The following HNRNPUL1 variants were observed in gnomAD, a reference collection of about 807,000 sequenced individuals.
HNRNPUL1 encodes heterogeneous nuclear ribonucleoprotein U like 1.
A neutral mutation model predicts 108.5 loss-of-function variants in HNRNPUL1; 14 were observed. The ratio of observed to expected loss-of-function variants is 0.13; its 90% CI spans 0.09 to 0.20. HNRNPUL1 has a LOEUF of 0.20. HNRNPUL1 is among the 10% of genes least tolerant of loss of function. HNRNPUL1 has a pLI of 1.00. For synonymous variants in HNRNPUL1, 422 were observed against 445.2 expected (o/e 0.95, Z 0.66); for missense variants, 804 against 1,168.3 (o/e 0.69, Z 4.55).
rs371614908 is a variant in HNRNPUL1, at chr19:41,294,678, C to T, written c.1510C>T (p.Leu504=). The T allele has an allele frequency of 5.0e-6, 8 of 1,614,064 alleles. No homozygotes were observed. The highest frequency in any genetic ancestry group is 1.1e-5 in the South Asian group (1 of 91,050). ...IAARKKRNYI[L]DQTNVYGSAQ... Reference sequence around the variant, plus strand: ...TGCCCGCAAGAAACGCAACTATATCCTAGATCAGGTACTTAATGATGACCA... The same window carrying T: ...TGCCCGCAAGAAACGCAACTATATCTTAGATCAGGTACTTAATGATGACCA... Residue 504 remains leucine, a synonymous_variant, in exon 10 of 15, where the codon CTA becomes TTA. Coordinates refer to ENST00000392006, the MANE Select transcript of HNRNPUL1 (RefSeq NM_007040.6). This position sits in a 1 kb window ranked among gnomAD's most constrained non-coding sequence, Gnocchi z 4.3.
Position 41,294,153 on chromosome 19 carries a change from TCA to T in HNRNPUL1, c.1267-184_1267-183del, listed in dbSNP as rs2036751019. Among the ~76,000 whole-genome samples, 1 of 152,164 alleles carries T rather than the reference TCA, an allele frequency of 6.6e-6. No homozygotes were observed. The highest frequency in any genetic ancestry group is 2.4e-5 in the African/African-American group (1 of 41,440). On this transcript the variant is annotated intron_variant, in intron 8 of 14. Coordinates refer to ENST00000392006, the MANE Select transcript of HNRNPUL1 (RefSeq NM_007040.6). This position sits in a 1 kb window ranked among gnomAD's most constrained non-coding sequence, Gnocchi z 4.3. ...GCTCACCCTGTCCCAGGCACTGTGC[TCA>T]GAGTCTGACAAGCCTGATCTTTTTG... is the stretch of plus-strand genomic sequence containing the variant.
At chr19:41,289,405 TA>T in intron 7 of HNRNPUL1, among the ~76,000 whole-genome samples, 1 of 152,168 alleles carries the variant, frequency 6.6e-6, no homozygotes, top group Admixed American at 6.5e-5. Context: ...CAGCAAACCA[TA>T]AAGAGTATGA....
In HNRNPUL1 at chr19:41,292,561, G is replaced by A; in HGVS notation, c.1266+50G>A. On this transcript the variant is annotated intron_variant, in intron 8 of 14. Coordinates refer to ENST00000392006, the MANE Select transcript of HNRNPUL1 (RefSeq NM_007040.6). The surrounding 1 kb of genome is among the most constrained non-coding windows in gnomAD (Gnocchi z 4.1). ...TGGCCACCTTGCTGCCAAGACAGAGGAGACACACACACACACACACACACA... is the reference window on the plus strand; with the variant it reads ...TGGCCACCTTGCTGCCAAGACAGAGAAGACACACACACACACACACACACA... 3.2e-6 allele frequency: 5 copies of A among 1,570,250 alleles called. No individual in the cohort carries two copies. The highest frequency in any genetic ancestry group is 4.3e-6 in the Non-Finnish European group (5 of 1,152,750).
chr19:41,289,808 G>A (rs1901715301), intron 7 of HNRNPUL1, among the ~76,000 whole-genome samples: 1 of 147,000 alleles, frequency 6.8e-6, no homozygotes, highest in African/African-American at 2.5e-5. Flanking sequence ...CAACTCCCTA[G>A]TTCAAGTGAT....
At chr19:41,288,719 T>G (rs971354351) in intron 7 of HNRNPUL1, among the ~76,000 whole-genome samples, 4 of 152,252 alleles carry the variant, frequency 2.6e-5, no homozygotes, top group Admixed American at 6.5e-5. Context: ...AGTATTCTGA[T>G]GCAGGGGTTT....
intron 1 of HNRNPUL1, chr19:41,265,463 G>A (rs1305073551): frequency 2.4e-6 from 3 of 1,267,500 alleles, no homozygotes; most frequent in Admixed American, 2.9e-5. Context: ...GATTGAACTA[G>A]GGGGCACCCC....
rs556673229 is a variant in HNRNPUL1 at position 41,267,055 on chromosome 19, AAGAC to A, written c.296-1163_296-1160del. ...TGCTTTGGAGCGTAGACTCTAGACT[AAGAC>A]AGACTTCGTTTCAAATCTGGCTTAA... On this transcript the variant is annotated intron_variant, in intron 1 of 14. Coordinates refer to ENST00000392006, the MANE Select transcript of HNRNPUL1 (RefSeq NM_007040.6). Among the ~76,000 whole-genome samples the A allele has an allele frequency of 7.9e-5, 12 of 152,350 alleles. No individual in the cohort carries two copies. In the East Asian group the frequency reaches 2.1e-3, roughly 27 times the overall value.
chr19:41,264,793 G>A lies in HNRNPUL1; in HGVS notation c.290G>A (p.Gly97Glu). The change falls in exon 1 of 15, where the codon GGA becomes GAA. Residue 97 changes from glycine (G) to glutamate (E), a missense_variant. Gly to Glu is a moderately conservative substitution (Grantham distance 98, BLOSUM62 -2). Around this residue, in one of 4 missense-constraint regions of HNRNPUL1, gnomAD observed 256 missense variants for 261.6 expected, o/e 0.98. Transcript: ENST00000392006. ...CCCGGCGGCTACTCGGGGCCGGACGGACATTGTGAGAGTGCGCGGGGCGGG... is the reference window on the plus strand; with the variant it reads ...CCCGGCGGCTACTCGGGGCCGGACGAACATTGTGAGAGTGCGCGGGGCGGG... ...AEPGGYSGPD[G>E]HYAMDNITRQ... The A allele has an allele frequency of 7.4e-7, 1 of 1,358,480 alleles. No individual in the cohort carries two copies. The highest frequency in any genetic ancestry group is 9.4e-7 in the Non-Finnish European group (1 of 1,060,256). 84.2% of individuals were successfully genotyped at this position (1,358,480 alleles called of 1,614,324 possible).
rs560196599 is a variant in HNRNPUL1 at position 41,278,388 on chromosome 19, A to G, written c.787-689A>G. ...CTTTGCTCTTTTTAACTGTTGCATC[A>G]TATTTTGTGGCATGGATATACCATA... On this transcript the variant is annotated intron_variant, in intron 5 of 14. Transcript: ENST00000392006. 13 of 151,778 alleles carry G rather than the reference A, an allele frequency of 8.6e-5. No homozygotes were observed. The East Asian group carries it at 1.4e-3, about 16-fold the overall frequency. The allele number at this position is 151,778 out of a possible 1,614,324, so 9.4% of individuals were successfully genotyped here.
intron 13 of HNRNPUL1, 146 bp downstream of exon 13, chr19:41,304,407 C>G: frequency 7.1e-7 from 1 of 1,408,788 alleles, no homozygotes; most frequent in Non-Finnish European, 9.4e-7. Context: ...CTTCTTTCTC[C>G]CTGGCCGTGA....
In HNRNPUL1 at chr19:41,294,049, G is replaced by A. The variant is rs1014773856; in HGVS notation, c.1267-289G>A. On this transcript the variant is annotated intron_variant, in intron 8 of 14. Transcript: ENST00000392006. This position sits in a 1 kb window ranked among gnomAD's most constrained non-coding sequence, Gnocchi z 4.3. ...TAAATGCTAATGATGACAGCACTTG[G>A]TTTTTTGTTTTTGTTTTCCCCCGAA... 6.6e-6 allele frequency among the ~76,000 whole-genome samples: 1 copy of A among 152,054 alleles called. No individual in the cohort carries two copies. Among genetic ancestry groups the A allele is most frequent in the Non-Finnish European group, 1.5e-5 (1 of 67,980 alleles).
chr19:41,288,623 C>T (rs1386952707), intron 7 of HNRNPUL1, among the ~76,000 whole-genome samples: 1 of 152,100 alleles, frequency 6.6e-6, no homozygotes, highest in African/African-American at 2.4e-5. Context: ...TATGACTGTA[C>T]CATAATTGAT....
At chr19:41,300,454 C>G (rs1476455473) in intron 10 of HNRNPUL1, among the ~76,000 whole-genome samples, 2 of 152,100 alleles carry the variant, frequency 1.3e-5, no homozygotes, top group Non-Finnish European at 2.9e-5. Flanking sequence ...TACTCCGTTT[C>G]TGCTGAGTTC....
Position 41,292,644 on chromosome 19 carries a change from T to C in HNRNPUL1, c.1266+133T>C. The C allele has an allele frequency of 1.8e-6, 2 of 1,138,026 alleles. No homozygotes were observed. The highest frequency in any genetic ancestry group is 1.4e-5 in the South Asian group (1 of 70,138). 70.5% of individuals were successfully genotyped at this position (1,138,026 alleles called of 1,614,324 possible). ...GCCACTTTGTCCCAGCTCCTCAGGG[T>C]TGGACTCAGAGCTGAAAAGCTGCTC... is the stretch of plus-strand genomic sequence containing the variant. On this transcript the variant is annotated intron_variant, in intron 8 of 14. Transcript: ENST00000392006. The surrounding 1 kb of genome is among the most constrained non-coding windows in gnomAD (Gnocchi z 4.1).
intron 7 of HNRNPUL1, among the ~76,000 whole-genome samples, chr19:41,282,674 A>C (rs1361799451): frequency 6.6e-6 from 1 of 150,708 alleles, no homozygotes; most frequent in Non-Finnish European, 1.5e-5. Flanking sequence ...ACTTATGTGC[A>C]TATTTTTTTC....
At chr19:41,269,480 GAAAA>G (rs35932282) in intron 2 of HNRNPUL1, among the ~76,000 whole-genome samples, 2 of 48,200 alleles carry the variant, frequency 4.1e-5, no homozygotes, top group African/African-American at 8.1e-5. Flanking sequence ...ACCCTGTCAC[GAAAA>G]AAAAAAAAAA....
chr19:41,289,185 G>C (rs191359083), intron 7 of HNRNPUL1, among the ~76,000 whole-genome samples: 3 of 152,244 alleles, frequency 2.0e-5, no homozygotes, highest in African/African-American at 7.2e-5. Flanking sequence ...GAACATCTCT[G>C]CATCCAGTCT....
At chr19:41,273,901 A>G in intron 3 of HNRNPUL1, 81 bp from the exon 4 acceptor site, 1 of 1,168,956 alleles carries the variant, frequency 8.6e-7, no homozygotes, top group Non-Finnish European at 1.3e-6. Context: ...GGCCACTCAT[A>G]GATTACAGCA....
At chr19:41,287,532 C>T (rs1235002316) in intron 7 of HNRNPUL1, among the ~76,000 whole-genome samples, 2 of 151,958 alleles carry the variant, frequency 1.3e-5, no homozygotes, top group Non-Finnish European at 2.9e-5. Flanking sequence ...GTTTCTCAGC[C>T]TTTTTTTGCA....
Sources: allele counts gnomAD v4.1 joint callset (sites outside exome capture counted in the v4.1 genomes callset), GRCh38; gene constraint gnomAD v4.1.1; regional missense constraint gnomAD v4.1.1; non-coding constraint Gnocchi (gnomAD v3.1); transcripts MANE v1.5; gene names NCBI Gene and HGNC (gene_info 2026-07-23, HGNC 2026-07-21).